Variants in SF3B3 observed in about 807,000 individuals in gnomAD.
SF3B3 encodes the protein splicing factor 3b subunit 3.
In SF3B3, 33 loss-of-function variants were observed where a neutral mutation model predicts 139.2. The ratio of observed to expected loss-of-function variants is 0.24; its 90% CI spans 0.18 to 0.32. The LOEUF (loss-of-function observed/expected upper bound fraction) is 0.32. SF3B3 is among the 10% of genes least tolerant of loss of function. The probability of loss-of-function intolerance (pLI) is 1.00; values close to 1 mark genes in which losing one functional copy is unlikely to be tolerated. For missense variants in SF3B3, 818 were observed against 1,509.4 expected, an observed-to-expected ratio of 0.54 and a Z score of 7.59; for synonymous variants, 596 against 563.6, an observed-to-expected ratio of 1.06 and a Z score of -0.81.
intron 11 of SF3B3, 110 bp downstream of exon 11, chr16:70,548,552 T>C (rs1349488396): frequency 1.1e-6 from 1 of 927,092 alleles, no homozygotes; most frequent in East Asian, 2.4e-5. Flanking sequence ...TAGCACCATA[T>C]ACCAGAAACT....
Position 70,530,841 on chromosome 16 carries a change from C to T in SF3B3, c.494C>T (p.Thr165Ile). Reference sequence around the variant, plus strand: ...CCCCTGGAAGCCCACAAAGCAAACACTTTAGTGTATCATGTAGTTGGAGTA... The same window carrying T: ...CCCCTGGAAGCCCACAAAGCAAACATTTTAGTGTATCATGTAGTTGGAGTA... ...SSPLEAHKAN[T>I]LVYHVVGVDV... is the part of the protein sequence containing the mutation. Residue 165 changes from threonine to isoleucine, a missense_variant, in exon 4 of 26, where the codon ACT (threonine) becomes ATT (isoleucine). Around this residue, in one of 14 missense-constraint regions of SF3B3, gnomAD observed 144 missense variants for 259.2 expected, o/e 0.56. Coordinates refer to ENST00000302516, the MANE Select transcript of SF3B3 (RefSeq NM_012426.5). The T allele has an allele frequency of 6.2e-7, 1 of 1,614,112 alleles. No individual in the cohort carries two copies.
chr16:70,545,316 C>T (rs1287893050), intron 10 of SF3B3, among the ~76,000 whole-genome samples: 1 of 152,218 alleles, frequency 6.6e-6, no homozygotes, highest in Non-Finnish European at 1.5e-5. Flanking sequence ...ATCTGCCTGC[C>T]TTGGCTTCCC....
At chr16:70,529,368 A>G (rs11075766) in intron 3 of SF3B3, 169 bp downstream of exon 3, 46,186 of 600,434 alleles carry the variant, frequency 0.077, 2,168 homozygotes, top group South Asian at 0.16. Context: ...ATTTTCTTTT[A>G]AAACAATGGG....
chr16:70,529,220 G>A (rs2050097141), intron 3 of SF3B3, 21 bp downstream of exon 3: 1 of 1,577,254 alleles, frequency 6.3e-7, no homozygotes. Flanking sequence ...TACTCTACTT[G>A]CTGTATATGC....
At chr16:70,557,891 C>T (rs1483955479) in intron 15 of SF3B3, among the ~76,000 whole-genome samples, 1 of 152,158 alleles carries the variant, frequency 6.6e-6, no homozygotes, top group Non-Finnish European at 1.5e-5. Flanking sequence ...TTATCATGCT[C>T]AGCAAAATAT....
At chr16:70,549,877 A>G (rs1301816228) in intron 11 of SF3B3, among the ~76,000 whole-genome samples, 2 of 152,212 alleles carry the variant, frequency 1.3e-5, no homozygotes, top group African/African-American at 2.4e-5. Context: ...GTGAGCCGAG[A>G]TTGCACCACT....
Position 70,568,455 on chromosome 16 carries a change from A to T in SF3B3, c.3125A>T (p.Asp1042Val), listed in dbSNP as rs2050497981. ...ACTACAGCCAGCCTCCTGGACTATG[A>T]CACTGTGGCTGGGGCAGACAAGTTT... is the stretch of plus-strand genomic sequence containing the variant. The part of the protein sequence containing the change: ...WVTTASLLDY[D>V]TVAGADKFGN... Residue 1042 changes from aspartate (D) to valine (V), a missense_variant, in exon 22 of 26, where the codon GAC (aspartate) becomes GTC (valine). Physicochemically the swap from Asp to Val is radical, Grantham distance 152. Coordinates refer to ENST00000302516, the MANE Select transcript of SF3B3 (RefSeq NM_012426.5). 2.5e-6 allele frequency: 4 copies of T among 1,613,970 alleles called. No homozygotes were observed. The highest frequency in any genetic ancestry group is 3.4e-6 in the Non-Finnish European group (4 of 1,179,890).
At chr16:70,547,831 C>A (rs1217321101) in intron 10 of SF3B3, among the ~76,000 whole-genome samples, 1 of 152,208 alleles carries the variant, frequency 6.6e-6, no homozygotes, top group African/African-American at 2.4e-5. Flanking sequence ...CTAAGGCAAT[C>A]CACCCGCCTC....
intron 9 of SF3B3, among the ~76,000 whole-genome samples, chr16:70,542,694 A>C (rs2050230532): frequency 6.6e-6 from 1 of 152,052 alleles, no homozygotes; most frequent in Admixed American, 6.6e-5. Flanking sequence ...ACAGAAAATA[A>C]ATGTGACTAA....
chr16:70,549,906 C>G (rs1249577051), intron 11 of SF3B3, among the ~76,000 whole-genome samples: 1 of 152,118 alleles, frequency 6.6e-6, no homozygotes, highest in African/African-American at 2.4e-5. Flanking sequence ...GCCTGGGTGA[C>G]AGAGCGAGAC....
At chr16:70,535,763 T>C (rs78213851) in intron 6 of SF3B3, among the ~76,000 whole-genome samples, 6 of 151,870 alleles carry the variant, frequency 4.0e-5, no homozygotes, top group Non-Finnish European at 7.4e-5. Context: ...TTTTTTTTTT[T>C]CCAACATTTT....
In SF3B3 at chr16:70,533,754, ATGT is replaced by A. The variant is rs551469714; in HGVS notation, c.712+1139_712+1141del. On this transcript the variant is annotated intron_variant, in intron 5 of 25. Coordinates refer to ENST00000302516, the MANE Select transcript of SF3B3 (RefSeq NM_012426.5). ...CACTTCAACTGATGTCTAAAATAAGATGTTGTTTGGGGAAGATACTGGAGAATA... is the reference window on the plus strand; with the variant it reads ...CACTTCAACTGATGTCTAAAATAAGATGTTTGGGGAAGATACTGGAGAATA... 2.9e-3 allele frequency among the ~76,000 whole-genome samples: 449 copies of A among 152,330 alleles called. 4 individuals are homozygous for A. Among genetic ancestry groups the A allele is most frequent in the Non-Finnish European group, 4.9e-3 (333 of 68,024 alleles).
intron 2 of SF3B3, 112 bp downstream of exon 2, chr16:70,526,838 TG>T: frequency 1.4e-6 from 1 of 740,150 alleles, no homozygotes; most frequent in Non-Finnish European, 2.3e-6. Flanking sequence ...TGTTGGTAAA[TG>T]TAAACAATTC....
At chr16:70,562,006 T>C (rs2050433382) in intron 17 of SF3B3, among the ~76,000 whole-genome samples, 1 of 152,262 alleles carries the variant, frequency 6.6e-6, no homozygotes, top group African/African-American at 2.4e-5. Context: ...AAGGCCAAGC[T>C]TTAATACAGT....
rs376818809 is a variant in SF3B3 at position 70,530,818 on chromosome 16, C to T, written c.471C>T (p.Pro157=). ...DAAARLTISS[P]LEAHKANTLV... ...CAGCCCGACTTACCATTTCATCTCCCCTGGAAGCCCACAAAGCAAACACTT... is the reference window on the plus strand; with the variant it reads ...CAGCCCGACTTACCATTTCATCTCCTCTGGAAGCCCACAAAGCAAACACTT... The change falls in exon 4 of 26, where the codon CCC becomes CCT. Residue 157 remains proline, a synonymous_variant. Transcript: ENST00000302516. The T allele has an allele frequency of 1.4e-5, 22 of 1,613,934 alleles. No homozygotes were observed. Among genetic ancestry groups the T allele is most frequent in the Non-Finnish European group, 1.7e-5 (20 of 1,179,972 alleles).
At chr16:70,571,486 G>A (rs1295625837) in intron 25 of SF3B3, among the ~76,000 whole-genome samples, 187 bp from the exon 26 acceptor site, 1 of 152,170 alleles carries the variant, frequency 6.6e-6, no homozygotes, top group African/African-American at 2.4e-5. Flanking sequence ...GGGAGGCTGA[G>A]CCCCAGATTT....
At chr16:70,560,182 A>G (rs944598234) in intron 15 of SF3B3, among the ~76,000 whole-genome samples, 1 of 152,228 alleles carries the variant, frequency 6.6e-6, no homozygotes, top group Non-Finnish European at 1.5e-5. Flanking sequence ...TGAAATATAC[A>G]GTAGTGAAGA....
At position 70,547,003 on chromosome 16, in the gene SF3B3, G is replaced by A. The variant is rs368093853; in HGVS notation, c.1330-1367G>A. Among the ~76,000 whole-genome samples the A allele has an allele frequency of 3.9e-4, 59 of 152,086 alleles. No individual in the cohort carries two copies. The Middle Eastern group carries it at 0.014, about 35-fold the overall frequency. ...AGATCGCGCCATTGCACTCGAGCCT[G>A]GGCGACAGAGCGAGACTCCGTCTCA... On this transcript the variant is annotated intron_variant, in intron 10 of 25. Transcript: ENST00000302516.
rs1442710786 is a variant in SF3B3, at chr16:70,575,448, C to G, written c.*3635C>G. 1 of 152,300 alleles carries G rather than the reference C, an allele frequency of 6.6e-6. No individual in the cohort carries two copies. The highest frequency in any genetic ancestry group is 1.5e-5 in the Non-Finnish European group (1 of 68,164). 9.4% of individuals were successfully genotyped at this position (152,300 alleles called of 1,614,324 possible). The stretch of plus-strand genomic sequence containing the variant: ...TCGTGACCTCAGGTGATCCACCCAC[C>G]TTGGTCTCCCAAAGCGCTGGGATTA... On this transcript the variant is annotated 3_prime_UTR_variant, in exon 26 of 26. Transcript: ENST00000302516.
Sources: gnomAD v4.1 joint callset for allele counts (sites outside exome capture counted in the v4.1 genomes callset) on GRCh38, gnomAD v4.1.1 for gene constraint, gnomAD v4.1.1 regional missense constraint, MANE v1.5 for transcripts, NCBI Gene and HGNC (gene_info 2026-07-23, HGNC 2026-07-21) for gene names.